Variants in CSMD1 observed in about 807,000 individuals in gnomAD.
CSMD1 encodes the protein CUB and sushi domain-containing protein 1.
Under a neutral mutation model 417.5 loss-of-function variants are expected in CSMD1, and 213 were observed. The ratio of observed to expected loss-of-function variants is 0.51; its 90% CI spans 0.46 to 0.57. The LOEUF is 0.57. CSMD1 is among the 20% of genes least tolerant of loss of function. The pLI is 0.00. For missense variants in CSMD1, 6,923 were observed against 4,529.7 expected, an observed-to-expected ratio of 1.53 and a Z score of -15.17; for synonymous variants, 2,862 against 1,736.8, an observed-to-expected ratio of 1.65 and a Z score of -16.11.
chr8:3,645,715 G>C (rs985700568), intron 7 of CSMD1, among the ~76,000 whole-genome samples: 8 of 152,304 alleles, frequency 5.3e-5, no homozygotes, highest in African/African-American at 1.9e-4. Flanking sequence ...GGCTCTGCAA[G>C]GAACATGGAA....
intron 3 of CSMD1, among the ~76,000 whole-genome samples, chr8:4,125,379 C>T (rs564731742): frequency 5.3e-5 from 8 of 152,308 alleles, no homozygotes; most frequent in African/African-American, 1.9e-4. Context: ...CAGGTCCCCT[C>T]CCTGCTCCAG....
chr8:3,833,020 T>C (rs1442034152), intron 5 of CSMD1, among the ~76,000 whole-genome samples: 1 of 152,194 alleles, frequency 6.6e-6, no homozygotes, highest in Non-Finnish European at 1.5e-5. Context: ...AGCTGCTAAG[T>C]TGATACTATA....
At chr8:4,231,900 A>C (rs1700048) in intron 3 of CSMD1, among the ~76,000 whole-genome samples, 8,064 of 150,784 alleles carry the variant, frequency 0.053, 264 homozygotes, top group Middle Eastern at 0.13. Context: ...GTTTTACTAA[A>C]ATTTCTGAAT....
intron 1 of CSMD1, among the ~76,000 whole-genome samples, chr8:4,752,195 C>A (rs1343957922): frequency 6.6e-6 from 1 of 152,046 alleles, no homozygotes; most frequent in African/African-American, 2.4e-5. Context: ...AAAAAAATCA[C>A]TTCATCATAA....
intron 26 of CSMD1, among the ~76,000 whole-genome samples, chr8:3,235,326 G>A (rs983752927): frequency 6.6e-6 from 1 of 152,124 alleles, no homozygotes; most frequent in Non-Finnish European, 1.5e-5. Flanking sequence ...TTTATCAAAA[G>A]AAAAGATATA....
At chr8:4,955,566 C>A (rs752713907) in intron 1 of CSMD1, among the ~76,000 whole-genome samples, 1 of 151,968 alleles carries the variant, frequency 6.6e-6, no homozygotes, top group Non-Finnish European at 1.5e-5. Flanking sequence ...AGAGACTCTC[C>A]TGCCTCAGCC....
intron 26 of CSMD1, among the ~76,000 whole-genome samples, chr8:3,255,070 T>A (rs1156298089): frequency 1.3e-5 from 2 of 152,196 alleles, no homozygotes; most frequent in Non-Finnish European, 2.9e-5. Flanking sequence ...CCTTCCTGTT[T>A]GTTAGTTTTC....
chr8:3,375,783 C>T (rs1287173558), intron 18 of CSMD1, among the ~76,000 whole-genome samples: 1 of 152,124 alleles, frequency 6.6e-6, no homozygotes, highest in Non-Finnish European at 1.5e-5. Flanking sequence ...TGAATCTCTG[C>T]CTATGGCCAT....
chr8:3,948,537 T>C (rs546205268), intron 5 of CSMD1, among the ~76,000 whole-genome samples: 10 of 152,142 alleles, frequency 6.6e-5, no homozygotes, highest in African/African-American at 2.2e-4. Flanking sequence ...TTATATATAT[T>C]ATATTTGGTT....
At chr8:4,459,415 T>C (rs1376726846) in intron 2 of CSMD1, among the ~76,000 whole-genome samples, 1 of 152,192 alleles carries the variant, frequency 6.6e-6, no homozygotes, top group African/African-American at 2.4e-5. Flanking sequence ...AGAGTGTCTC[T>C]GCCCCACGTC....
At chr8:4,330,099 C>G (rs1019891259) in intron 3 of CSMD1, among the ~76,000 whole-genome samples, 3 of 151,708 alleles carry the variant, frequency 2.0e-5, no homozygotes, top group Admixed American at 6.6e-5. Flanking sequence ...CAAGAACAGT[C>G]CAATATAGTC....
At chr8:4,012,078 C>T (rs953002775) in intron 4 of CSMD1, among the ~76,000 whole-genome samples, 15 of 151,992 alleles carry the variant, frequency 9.9e-5, no homozygotes, top group Admixed American at 7.9e-4. Flanking sequence ...ATATGCCTAG[C>T]TATATTGTAG....
At chr8:3,781,972 G>C (rs1799210742) in intron 5 of CSMD1, among the ~76,000 whole-genome samples, 1 of 152,100 alleles carries the variant, frequency 6.6e-6, no homozygotes, top group African/African-American at 2.4e-5. Context: ...TATGTGGTAA[G>C]AGAAGGGATG....
intron 3 of CSMD1, among the ~76,000 whole-genome samples, chr8:4,118,468 G>A (rs1802288403): frequency 1.0e-5 from 1 of 97,838 alleles, no homozygotes; most frequent in African/African-American, 4.0e-5. Context: ...AGACATTTAT[G>A]CAGCCAGCAA....
At chr8:2,954,075 T>G (rs1802828948) in intron 65 of CSMD1, 149 bp downstream of exon 65, 2 of 431,026 alleles carry the variant, frequency 4.6e-6, no homozygotes, top group South Asian at 1.2e-4. Context: ...GAATTCCATG[T>G]AAGCTTGGTG....
intron 1 of CSMD1, among the ~76,000 whole-genome samples, chr8:4,742,656 T>C (rs1457809120): frequency 6.6e-6 from 1 of 152,172 alleles, no homozygotes; most frequent in African/African-American, 2.4e-5. Context: ...AAGCAGGTAG[T>C]GTTAACATGG....
At chr8:4,702,334 G>T (rs1269414890) in intron 1 of CSMD1, among the ~76,000 whole-genome samples, 1 of 152,162 alleles carries the variant, frequency 6.6e-6, no homozygotes, top group Non-Finnish European at 1.5e-5. Flanking sequence ...ACTGGATTAG[G>T]AATCTTTGCT....
At chr8:3,613,413 G>C (rs1163513648) in intron 8 of CSMD1, 1 of 205,590 alleles carries the variant, frequency 4.9e-6, no homozygotes, top group Admixed American at 5.9e-5. Context: ...TTAATTTTGA[G>C]ACCATTTTTA....
At chr8:3,838,062 C>T (rs749347805) in intron 5 of CSMD1, among the ~76,000 whole-genome samples, 3 of 151,962 alleles carry the variant, frequency 2.0e-5, no homozygotes, top group East Asian at 3.9e-4. Flanking sequence ...GACTTGGAAA[C>T]GGTTGTAGGG....
Sources: gnomAD v4.1 joint callset for allele counts (sites outside exome capture counted in the v4.1 genomes callset) on GRCh38, gnomAD v4.1.1 for gene constraint, MANE v1.5 for transcripts, NCBI Gene and HGNC (gene_info 2026-07-23, HGNC 2026-07-21) for gene names.